NIM1K: variants seen among roughly 807,000 people sequenced by gnomAD.
The protein encoded by NIM1K is NIM1 serine/threonine protein kinase.
In NIM1K, 35 loss-of-function variants were observed where a neutral mutation model predicts 37.1. The ratio of observed to expected loss-of-function variants is 0.94; its 90% confidence interval spans 0.72 to 1.25. The LOEUF (loss-of-function observed/expected upper bound fraction) is 1.25. Ranked by LOEUF, NIM1K falls within the 50% of genes most tolerant of loss-of-function variation. The pLI is 0.00. For missense variants in NIM1K, 564 were observed against 548.0 expected (o/e 1.03, Z -0.29); for synonymous variants, 234 against 206.6 (o/e 1.13, Z -1.14).
At chr5:43,213,699 T>C (rs1404562368) in intron 1 of NIM1K, among the ~76,000 whole-genome samples, 1 of 152,178 alleles carries the variant, frequency 6.6e-6, no homozygotes, top group African/African-American at 2.4e-5. Context: ...TTTTGCCATA[T>C]TGGCCAGGCT....
chr5:43,213,290 CT>C lies in NIM1K; in HGVS notation c.-695+20883del, dbSNP rs1301244965. ...TTCTTTTTCTTTCTTGTTTCCTTTC[CT>C]TTTCTTTTCTTTTCTTTTCTTTTCT... On this transcript the variant is annotated intron_variant, in intron 1 of 3. Transcript: ENST00000326035. Among the ~76,000 whole-genome samples the C allele has an allele frequency of 5.8e-3, 105 of 18,090 alleles. 4 individuals are homozygous for C. Among genetic ancestry groups the C allele is most frequent in the African/African-American group, 0.011 (104 of 9,340 alleles). 11.9% of individuals were successfully genotyped at this position (18,090 alleles called of 152,430 possible).
intron 2 of NIM1K, 75 bp downstream of exon 2, chr5:43,246,142 G>C: frequency 7.4e-7 from 1 of 1,360,090 alleles, no homozygotes; most frequent in South Asian, 1.4e-5. Flanking sequence ...GGTGGCCAGG[G>C]CCAAGGAAGC....
chr5:43,198,209 C>T lies in NIM1K; in HGVS notation c.-695+5798C>T, dbSNP rs201373859. 2.9e-3 allele frequency among the ~76,000 whole-genome samples: 176 copies of T among 60,034 alleles called. 5 individuals carry two copies. The highest frequency in any genetic ancestry group is 7.3e-3 in the African/African-American group (107 of 14,634). The allele number at this position is 60,034 out of a possible 152,430, so 39.4% of individuals were successfully genotyped here. On this transcript the variant is annotated intron_variant, in intron 1 of 3. Coordinates refer to ENST00000326035, the MANE Select transcript of NIM1K (RefSeq NM_153361.4). ...TTTCTTTCTTTCTTTCTTTCTTTCT[C>T]TTTCTTTCTTTCTTTCTTTCTTTCT...
intron 2 of NIM1K, among the ~76,000 whole-genome samples, chr5:43,250,742 T>C (rs2112269010): frequency 6.6e-6 from 1 of 152,294 alleles, no homozygotes; most frequent in Non-Finnish European, 1.5e-5. Context: ...GAAAGGAATT[T>C]AGAAAAAAGT....
chr5:43,256,357 A>C (rs1752946994), intron 2 of NIM1K, among the ~76,000 whole-genome samples: 1 of 152,196 alleles, frequency 6.6e-6, no homozygotes, highest in Admixed American at 6.5e-5. Context: ...AGATAGTAAG[A>C]TTTGCTAACA....
At chr5:43,192,805 G>C (rs541706103) in intron 1 of NIM1K, 2 of 152,398 alleles carry the variant, frequency 1.3e-5, no homozygotes, top group South Asian at 4.1e-4. Flanking sequence ...GTGAGCCGAG[G>C]AGCGCAGCTT....
At chr5:43,253,368 A>T (rs114259771) in intron 2 of NIM1K, among the ~76,000 whole-genome samples, 220 of 151,582 alleles carry the variant, frequency 1.5e-3, no homozygotes, top group African/African-American at 5.3e-3. Flanking sequence ...TGCCCCGTGG[A>T]TCCAGGAAGG....
intron 2 of NIM1K, among the ~76,000 whole-genome samples, chr5:43,264,749 T>A (rs929960946): frequency 6.6e-6 from 1 of 152,198 alleles, no homozygotes; most frequent in Non-Finnish European, 1.5e-5. Context: ...GTTTTTGCAG[T>A]GGCTGGTACT....
At chr5:43,212,403 G>T (rs1161544900) in intron 1 of NIM1K, among the ~76,000 whole-genome samples, 1 of 152,120 alleles carries the variant, frequency 6.6e-6, no homozygotes, top group East Asian at 1.9e-4. Context: ...GGCTCCAATA[G>T]GGATTTTTAA....
chr5:43,210,624 G>C (rs1259998596), intron 1 of NIM1K, among the ~76,000 whole-genome samples: 1 of 152,138 alleles, frequency 6.6e-6, no homozygotes, highest in African/African-American at 2.4e-5. Flanking sequence ...TTATATGCAG[G>C]GGGAATGTCA....
Position 43,280,181 on chromosome 5 carries a change from T to C in NIM1K, c.763T>C (p.Trp255Arg), listed in dbSNP as rs1753415427. The change falls in exon 4 of 4, where the codon TGG (tryptophan) becomes CGG (arginine). Residue 255 changes from tryptophan to arginine, a missense_variant. Physicochemically the swap from Trp to Arg is moderately radical, Grantham distance 101. Transcript: ENST00000326035. ...CTACATCGGCATTTACGTGGATATC[T>C]GGGCCTTGGGGGTGCTTTTGTACTT... The part of the protein sequence containing the change: ...EHYIGIYVDI[W>R]ALGVLLYFMV... 1 of 1,614,070 alleles carries C rather than the reference T, an allele frequency of 6.2e-7. No homozygotes were observed. The highest frequency in any genetic ancestry group is 8.5e-7 in the Non-Finnish European group (1 of 1,180,034).
rs141701368 is a variant in NIM1K at position 43,207,559 on chromosome 5, A to G, written c.-695+15148A>G. ...CCATGTCTCCAGAAGAAGATTCCACATGGGAGTTTCTCAGACTGAATCTTG... is the reference window on the plus strand; with the variant it reads ...CCATGTCTCCAGAAGAAGATTCCACGTGGGAGTTTCTCAGACTGAATCTTG... On this transcript the variant is annotated intron_variant, in intron 1 of 3. Transcript: ENST00000326035. 628 of 690,902 alleles carry G rather than the reference A, an allele frequency of 9.1e-4. 3 individuals carry two copies. The African/African-American group carries it at 0.01, about 11-fold the overall frequency. The allele number at this position is 690,902 out of a possible 1,614,324, so 42.8% of individuals were successfully genotyped here.
At chr5:43,232,423 A>C (rs1752553351) in intron 1 of NIM1K, 2 of 1,468,426 alleles carry the variant, frequency 1.4e-6, no homozygotes, top group Non-Finnish European at 1.9e-6. Flanking sequence ...CTGTCAGATC[A>C]ACATTCAGGA....
chr5:43,277,333 G>A lies in NIM1K; in HGVS notation c.561+8G>A, dbSNP rs1456874505. The A allele has an allele frequency of 1.9e-6, 3 of 1,611,528 alleles. No homozygotes were observed. The highest frequency in any genetic ancestry group is 2.5e-6 in the Non-Finnish European group (3 of 1,178,786). On this transcript the variant is annotated splice_region_variant and intron_variant, in intron 3 of 3. Coordinates refer to ENST00000326035, the MANE Select transcript of NIM1K (RefSeq NM_153361.4). Reference sequence around the variant, plus strand: ...TCTGCCGTGAAGCACATGGTGAGCAGGGGTGACGAGTGAGAACCTTGCTCC... The same window carrying A: ...TCTGCCGTGAAGCACATGGTGAGCAAGGGTGACGAGTGAGAACCTTGCTCC...
chr5:43,217,708 ATTTTTTTTTT>A (rs71608698), intron 1 of NIM1K, among the ~76,000 whole-genome samples: 2 of 93,628 alleles, frequency 2.1e-5, no homozygotes, highest in African/African-American at 4.3e-5. Flanking sequence ...TCCTCTGTCT[ATTTTTTTTTT>A]TTTTTTTTTT....
At chr5:43,256,257 T>C (rs1187293424) in intron 2 of NIM1K, among the ~76,000 whole-genome samples, 7 of 146,616 alleles carry the variant, frequency 4.8e-5, no homozygotes, top group African/African-American at 1.7e-4. Context: ...GTTGTATTAA[T>C]CCAGGCAAGA....
chr5:43,207,584 G>T, intron 1 of NIM1K: 1 of 678,012 alleles, frequency 1.5e-6, no homozygotes, highest in South Asian at 1.4e-5. Context: ...ACTGAATCTT[G>T]ACCTCTCAAT....
intron 2 of NIM1K, among the ~76,000 whole-genome samples, chr5:43,262,324 C>G (rs1753044066): frequency 3.9e-5 from 6 of 152,188 alleles, no homozygotes; most frequent in Admixed American, 2.6e-4. Context: ...AGGTCCTTCA[C>G]ATCCCTTGTA....
At chr5:43,232,532 GC>G in intron 1 of NIM1K, 1 of 1,575,596 alleles carries the variant, frequency 6.3e-7, no homozygotes, top group Non-Finnish European at 8.7e-7. Flanking sequence ...AAGGTTCTAT[GC>G]CAGATATCAT....
Sources: gnomAD v4.1 joint callset for allele counts (sites outside exome capture counted in the v4.1 genomes callset) on GRCh38, gnomAD v4.1.1 for gene constraint, MANE v1.5 for transcripts, NCBI Gene and HGNC (gene_info 2026-07-23, HGNC 2026-07-21) for gene names.